Variants in NPIPA9 observed in about 807,000 individuals in gnomAD.
The protein encoded by NPIPA9 is nuclear pore complex-interacting protein family member A9.
intron 3 of NPIPA9, among the ~76,000 whole-genome samples, chr16:18,371,451 T>TAAAAAAA (rs778066038): frequency 1.8e-5 from 1 of 56,636 alleles, no homozygotes; most frequent in African/African-American, 7.3e-5. Flanking sequence ...GACTCTGTCT[T>TAAAAAAA]AAAAAAAAAA....
intron 4 of NPIPA9, among the ~76,000 whole-genome samples, chr16:18,364,910 C>T (rs1294492582): frequency 7.5e-6 from 1 of 132,590 alleles, no homozygotes; most frequent in Non-Finnish European, 1.6e-5. Context: ...CACTGCACTC[C>T]AGCCTGAGTG....
At chr16:18,364,992 G>A (rs1900489975) in intron 4 of NPIPA9, among the ~76,000 whole-genome samples, 1 of 136,364 alleles carries the variant, frequency 7.3e-6, no homozygotes, top group Non-Finnish European at 1.6e-5. Flanking sequence ...AGAATGACAT[G>A]AGGCTGGCAT....
At chr16:18,375,222 G>A (rs1466039658) in intron 1 of NPIPA9, among the ~76,000 whole-genome samples, 153 bp from the exon 2 acceptor site, 1 of 135,174 alleles carries the variant, frequency 7.4e-6, no homozygotes, top group East Asian at 2.1e-4. Context: ...CACCGTCCGT[G>A]ATGGCAGCCC....
In NPIPA9 at chr16:18,375,085, A is replaced by G. The variant is rs1295858288; in HGVS notation, c.-307-16T>C. Reference sequence around the variant, plus strand: ...TCCCAGCCACCTGCAGGACAAGGGCAGTGGTCAGCGGGCGGCAGCTCAGAC... The same window carrying G: ...TCCCAGCCACCTGCAGGACAAGGGCGGTGGTCAGCGGGCGGCAGCTCAGAC... On this transcript the variant is annotated splice_polypyrimidine_tract_variant and intron_variant, in intron 1 of 9. Coordinates refer to ENST00000427999, the Ensembl canonical transcript of NPIPA9. 59 of 741,214 alleles carry G rather than the reference A, an allele frequency of 8.0e-5. 12 individuals are homozygous for G. The highest frequency in any genetic ancestry group is 1.1e-4 in the Non-Finnish European group (53 of 475,910). The allele number at this position is 741,214 out of a possible 1,614,324, so 45.9% of individuals were successfully genotyped here. A position where few individuals can be genotyped will look rare whatever the true frequency, so the allele number is the denominator to read the frequency against.
At chr16:18,371,283 G>C (rs1260685363) in intron 3 of NPIPA9, 1 of 111,470 alleles carries the variant, frequency 9.0e-6, no homozygotes, top group South Asian at 1.6e-4. Context: ...TGGCGAACAC[G>C]GTGAAACCCA....
chr16:18,370,221 T>C (rs1234213271), intron 3 of NPIPA9, among the ~76,000 whole-genome samples: 1 of 116,038 alleles, frequency 8.6e-6, no homozygotes, highest in African/African-American at 3.3e-5. Context: ...ACCTGGGAGG[T>C]AGAGGTTGCA....
intron 4 of NPIPA9, among the ~76,000 whole-genome samples, chr16:18,364,866 G>T (rs1418630882): frequency 9.4e-6 from 1 of 106,714 alleles, no homozygotes; most frequent in Non-Finnish European, 1.9e-5. Context: ...GTTTGAAGCT[G>T]GGAGGTGGAG....
chr16:18,364,950 C>A, intron 4 of NPIPA9, among the ~76,000 whole-genome samples: 1 of 1,570 alleles, frequency 6.4e-4, no homozygotes, highest in African/African-American at 7.4e-3. Context: ...CACACACACA[C>A]ACACACACAC....
At chr16:18,363,586 A>C (rs1900473957) in intron 6 of NPIPA9, among the ~76,000 whole-genome samples, 1 of 47,678 alleles carries the variant, frequency 2.1e-5, no homozygotes, top group Non-Finnish European at 4.0e-5. Flanking sequence ...ATTGCTTCAA[A>C]CTGGGAGGCA....
intron 3 of NPIPA9, among the ~76,000 whole-genome samples, chr16:18,370,253 G>A (rs1344019900): frequency 2.4e-5 from 3 of 124,878 alleles, no homozygotes; most frequent in African/African-American, 3.0e-5. Flanking sequence ...TCGCACCACT[G>A]CACTTCAGCC....
chr16:18,371,301 C>T (rs1900542258), intron 3 of NPIPA9: 1 of 119,692 alleles, frequency 8.4e-6, no homozygotes, highest in Non-Finnish European at 1.6e-5. Context: ...CCAGTCTCTA[C>T]TAAAAATACA....
chr16:18,364,666 G>C, intron 4 of NPIPA9, 32 bp from the exon 5 acceptor site: 1 of 51,188 alleles, frequency 2.0e-5, no homozygotes, highest in Non-Finnish European at 3.7e-5. Flanking sequence ...ATGACGGCTG[G>C]GCACGGTGGC....
At chr16:18,375,282 G>A (rs1900590693) in intron 1 of NPIPA9, among the ~76,000 whole-genome samples, 1 of 146,728 alleles carries the variant, frequency 6.8e-6, no homozygotes, top group Non-Finnish European at 1.5e-5. Context: ...TGCAGCTAAG[G>A]AACAGAGTTT....
chr16:18,364,922 C>G (rs1161132170), intron 4 of NPIPA9, among the ~76,000 whole-genome samples: 6 of 89,366 alleles, frequency 6.7e-5, no homozygotes, highest in Non-Finnish European at 1.1e-4. Context: ...GCCTGAGTGA[C>G]AGAATGAGAC....
chr16:18,370,162 C>A (rs1430864323), intron 3 of NPIPA9, among the ~76,000 whole-genome samples: 1 of 122,246 alleles, frequency 8.2e-6, no homozygotes, highest in Non-Finnish European at 1.7e-5. Context: ...TGGTGGCACG[C>A]GCCTATAGTT....
intron 4 of NPIPA9, 144 bp from the exon 5 acceptor site, chr16:18,364,778 C>A (rs1294956869): frequency 2.9e-5 from 1 of 34,466 alleles, no homozygotes; most frequent in Non-Finnish European, 5.0e-5. Flanking sequence ...CCCATCTCTA[C>A]TAAAAATACA....
intron 4 of NPIPA9, among the ~76,000 whole-genome samples, chr16:18,367,397 C>CT (rs1900504924): frequency 1.1e-5 from 1 of 90,196 alleles, no homozygotes; most frequent in Non-Finnish European, 2.0e-5. Flanking sequence ...AATTATGCCA[C>CT]AACTTAGCAG....
intron 4 of NPIPA9, among the ~76,000 whole-genome samples, chr16:18,364,969 A>ACACACAC (rs58690022): frequency 1.7e-5 from 2 of 119,668 alleles, no homozygotes; most frequent in Admixed American, 1.6e-4. Context: ...ACACACACAC[A>ACACACAC]ACACAACACA....
chr16:18,374,763 C>T, intron 2 of NPIPA9, 69 bp downstream of exon 2: 1 of 428,774 alleles, frequency 2.3e-6, no homozygotes, highest in South Asian at 2.4e-5. Flanking sequence ...GGACACGCAG[C>T]CCGCACACCC....
Sources: gnomAD v4.1 joint callset for allele counts (sites outside exome capture counted in the v4.1 genomes callset) on GRCh38, gnomAD v4.1.1 for gene constraint, MANE v1.5 for transcripts, NCBI Gene and HGNC (gene_info 2026-07-23, HGNC 2026-07-21) for gene names.